The following PTAFR variants were observed in gnomAD, a reference collection of about 807,000 sequenced individuals.
PTAFR encodes the protein platelet activating factor receptor.
PTAFR carries 8 observed loss-of-function variants against 14.7 expected under a neutral mutation model. The observed-to-expected ratio is 0.54, with a 90% CI of 0.32 to 0.98. PTAFR has a LOEUF of 0.98. Ranked by LOEUF, PTAFR falls within the 50% of genes least tolerant of loss-of-function variation. The probability of loss-of-function intolerance (pLI) is 0.04; values close to 1 mark genes in which losing one functional copy is unlikely to be tolerated. For synonymous variants in PTAFR, 156 were observed against 176.5 expected (o/e 0.88, Z 0.92); for missense variants, 337 against 451.2 (o/e 0.75, Z 2.29).
At chr1:28,179,689 G>A (rs1646547612), upstream of PTAFR, among the ~76,000 whole-genome samples, 1 of 151,992 alleles carries the variant, frequency 6.6e-6, no homozygotes, top group Non-Finnish European at 1.5e-5. Flanking sequence ...GCCAGGCATG[G>A]TGGCACACAC....
Position 28,167,309 on chromosome 1 carries a change from A to G in PTAFR, c.-39+9283T>C, listed in dbSNP as rs147846108. Among the ~76,000 whole-genome samples the G allele has an allele frequency of 4.7e-3, 713 of 152,340 alleles. 6 individuals are homozygous for G. The highest frequency in any genetic ancestry group is 0.016 in the African/African-American group (685 of 41,574). ...AAAAATGGGCAAAGAACCTGAATAG[A>G]CATTTCTCCAAAGACGATATACCAA... is the stretch of plus-strand genomic sequence containing the variant. On this transcript the variant is annotated intron_variant, in intron 1 of 1. Coordinates refer to ENST00000373857, the MANE Select transcript of PTAFR (RefSeq NM_000952.5).
At chr1:28,185,235 T>C (rs1436648438) in intron 1 of PTAFR, among the ~76,000 whole-genome samples, 3 of 152,362 alleles carry the variant, frequency 2.0e-5, no homozygotes, top group African/African-American at 4.8e-5. Context: ...GAACATTGCC[T>C]GGCACATTGC....
intron 1 of PTAFR, among the ~76,000 whole-genome samples, chr1:28,190,992 G>A (rs981337114): frequency 6.6e-6 from 1 of 152,200 alleles, no homozygotes; most frequent in East Asian, 1.9e-4. Context: ...GGTAAAGGAC[G>A]CCTGGCCGCT....
intron 1 of PTAFR, among the ~76,000 whole-genome samples, chr1:28,162,273 T>C (rs1291566565): frequency 6.6e-6 from 1 of 152,126 alleles, no homozygotes; most frequent in African/African-American, 2.4e-5. Context: ...AAGTGGCATT[T>C]TCAATTCCTC....
intron 1 of PTAFR, among the ~76,000 whole-genome samples, chr1:28,186,599 A>C (rs1209271828): frequency 6.6e-6 from 1 of 152,228 alleles, no homozygotes. Context: ...TTCATATCAC[A>C]TGTCAAGTCT....
intron 1 of PTAFR, among the ~76,000 whole-genome samples, chr1:28,162,349 C>A (rs1162511307): frequency 6.6e-6 from 1 of 152,136 alleles, no homozygotes; most frequent in Non-Finnish European, 1.5e-5. Context: ...GTCAGGTGAA[C>A]AAACACCCAG....
At chr1:28,189,287 A>C (rs1286306750) in intron 1 of PTAFR, among the ~76,000 whole-genome samples, 1 of 152,180 alleles carries the variant, frequency 6.6e-6, no homozygotes, top group African/African-American at 2.4e-5. Flanking sequence ...CATATGTTAA[A>C]ATGAGAAGAG....
chr1:28,171,538 C>T lies in PTAFR; in HGVS notation c.-39+5054G>A, dbSNP rs77616065. Among the ~76,000 whole-genome samples the T allele has an allele frequency of 5.2e-3, 790 of 152,240 alleles. 3 individuals are homozygous for T. The highest frequency in any genetic ancestry group is 8.4e-3 in the Non-Finnish European group (568 of 68,008). On this transcript the variant is annotated intron_variant, in intron 1 of 1. Coordinates refer to ENST00000373857, the MANE Select transcript of PTAFR (RefSeq NM_000952.5). ...GTTTCAATACCATTTCTCCAAGATGCAGAAGGATTTGAGCGACGAATTAAG... is the reference window on the plus strand; with the variant it reads ...GTTTCAATACCATTTCTCCAAGATGTAGAAGGATTTGAGCGACGAATTAAG...
intron 1 of PTAFR, among the ~76,000 whole-genome samples, chr1:28,183,747 G>A (rs139506456): frequency 0.021 from 3,222 of 152,168 alleles, 128 homozygotes; most frequent in African/African-American, 0.073. Context: ...TTAGCCGGGC[G>A]TGGTGGCACA....
chr1:28,158,238 A>G (rs1184301198), intron 1 of PTAFR, among the ~76,000 whole-genome samples: 2 of 152,204 alleles, frequency 1.3e-5, no homozygotes, highest in Non-Finnish European at 2.9e-5. Flanking sequence ...CCTCCTGCCT[A>G]TGCTGAAGGA....
intron 1 of PTAFR, among the ~76,000 whole-genome samples, chr1:28,193,142 G>A (rs1646669174): frequency 6.6e-6 from 1 of 152,086 alleles, no homozygotes; most frequent in South Asian, 2.1e-4. Flanking sequence ...GGGGAGTTCT[G>A]TGATATGTAC....
intron 1 of PTAFR, among the ~76,000 whole-genome samples, chr1:28,156,155 C>T (rs572825026): frequency 1.3e-5 from 2 of 151,502 alleles, no homozygotes; most frequent in East Asian, 2.0e-4. Flanking sequence ...CCCAGCTACT[C>T]GGGAGGTTAA....
At chr1:28,180,885 GA>G (rs1646556685), upstream of PTAFR, among the ~76,000 whole-genome samples, 1 of 151,850 alleles carries the variant, frequency 6.6e-6, no homozygotes. Context: ...AGAGTATGAA[GA>G]AAAAAGAAAG....
Position 28,173,029 on chromosome 1 carries a change from G to T in PTAFR, c.-39+3563C>A, listed in dbSNP as rs545768714. Among the ~76,000 whole-genome samples the T allele has an allele frequency of 6.0e-5, 9 of 150,848 alleles. No individual in the cohort carries two copies. In the East Asian group the frequency reaches 1.7e-3, roughly 29 times the overall value. ...TCACGCCTGTAATCCCAGCGCTTTGGGAAGCCAAGGCAGGAGATGGCTTGA... is the reference window on the plus strand; with the variant it reads ...TCACGCCTGTAATCCCAGCGCTTTGTGAAGCCAAGGCAGGAGATGGCTTGA... On this transcript the variant is annotated intron_variant, in intron 1 of 1. Coordinates refer to ENST00000373857, the MANE Select transcript of PTAFR (RefSeq NM_000952.5).
At chr1:28,177,587 C>G (rs1646528489), upstream of PTAFR, among the ~76,000 whole-genome samples, 1 of 152,184 alleles carries the variant, frequency 6.6e-6, no homozygotes, top group African/African-American at 2.4e-5. Flanking sequence ...CGGTTGATTT[C>G]TGGAGAGAAC....
chr1:28,180,461 T>G (rs1186251231), upstream of PTAFR, among the ~76,000 whole-genome samples: 1 of 152,142 alleles, frequency 6.6e-6, no homozygotes. Context: ...ACTCAAACCT[T>G]TCTCTTCTCC....
chr1:28,161,497 T>C (rs954961881), intron 1 of PTAFR, among the ~76,000 whole-genome samples: 1 of 152,210 alleles, frequency 6.6e-6, no homozygotes, highest in African/African-American at 2.4e-5. Flanking sequence ...ATAGGGTAGA[T>C]GGCTTTTTTT....
chr1:28,154,275 G>T (rs1444969338), intron 1 of PTAFR, among the ~76,000 whole-genome samples: 1 of 152,068 alleles, frequency 6.6e-6, no homozygotes, highest in African/African-American at 2.4e-5. Context: ...GTGGTTATAT[G>T]ACTTGTGCAA....
At chr1:28,177,512 C>A (rs1194976848), upstream of PTAFR, among the ~76,000 whole-genome samples, 2 of 152,100 alleles carry the variant, frequency 1.3e-5, no homozygotes, top group Non-Finnish European at 2.9e-5. Flanking sequence ...CCTCAGCTTC[C>A]CAAAGTGTTG....
Sources: gnomAD v4.1 joint callset for allele counts (sites outside exome capture counted in the v4.1 genomes callset) on GRCh38, gnomAD v4.1.1 for gene constraint, MANE v1.5 for transcripts, NCBI Gene and HGNC (gene_info 2026-07-23, HGNC 2026-07-21) for gene names.